The following TGM5 variants were observed in gnomAD, a reference collection of about 807,000 sequenced individuals.
TGM5 encodes the protein transglutaminase 5.
In TGM5, 69 loss-of-function variants were observed where a neutral mutation model predicts 77.2. The observed-to-expected ratio is 0.89, with a 90% CI of 0.74 to 1.09. The LOEUF (loss-of-function observed/expected upper bound fraction) is 1.09, where lower values mean the gene tolerates loss of function less well. Among genes scored for constraint, TGM5 ranks in the 50% least tolerant of loss-of-function variants. The pLI is 0.00. For synonymous variants in TGM5, 346 were observed against 351.8 expected (o/e 0.98, Z 0.18); for missense variants, 842 against 896.5 (o/e 0.94, Z 0.78).
intron 1 of TGM5, among the ~76,000 whole-genome samples, chr15:43,261,086 T>TTTG (rs2042785491): frequency 8.2e-6 from 1 of 121,872 alleles, no homozygotes; most frequent in African/African-American, 3.2e-5. Flanking sequence ...GTTTTTTTTT[T>TTTG]TTTTTTTTTT....
Position 43,253,648 on chromosome 15 carries a change from G to A in TGM5, c.556-14C>T, listed in dbSNP as rs1404249705. On this transcript the variant is annotated splice_polypyrimidine_tract_variant and intron_variant, in intron 4 of 12. Coordinates refer to ENST00000220420, the MANE Select transcript of TGM5 (RefSeq NM_201631.4). ...TTTGTCTTCAAACTTCGGGGGGAGA[G>A]GCAGAGAGGGAAGGCACCCATGCTT... The A allele has an allele frequency of 1.2e-6, 2 of 1,611,198 alleles. No homozygotes were observed. Among genetic ancestry groups the A allele is most frequent in the African/African-American group, 2.7e-5 (2 of 74,924 alleles).
chr15:43,256,455 C>T (rs993307119), intron 4 of TGM5, 113 bp downstream of exon 4: 9 of 863,652 alleles, frequency 1.0e-5, no homozygotes, highest in Middle Eastern at 5.9e-4. Context: ...ACATCTTCCT[C>T]GTGCCATTTA....
At chr15:43,236,400 G>T (rs2042590420) in intron 9 of TGM5, among the ~76,000 whole-genome samples, 1 of 152,132 alleles carries the variant, frequency 6.6e-6, no homozygotes, top group African/African-American at 2.4e-5. Context: ...ATGAGAGGAG[G>T]TCTAGGCGTG....
At chr15:43,263,612 C>T (rs1341131020) in intron 1 of TGM5, among the ~76,000 whole-genome samples, 1 of 152,124 alleles carries the variant, frequency 6.6e-6, no homozygotes, top group East Asian at 1.9e-4. Context: ...TATCCACATG[C>T]AAAAGAATGA....
At chr15:43,241,276 G>T in intron 6 of TGM5, 1 of 476,816 alleles carries the variant, frequency 2.1e-6, no homozygotes, top group East Asian at 4.0e-5. Flanking sequence ...AGGAGGGTGG[G>T]ACTGGCAAGC....
Position 43,252,913 on chromosome 15 carries a change from C to A in TGM5, c.708G>T (p.Gly236=). ...CAMINSNDDN[G]VLNGNWSENY... ...TCTCACTCCAGTTTCCATTGAGCAC[C>A]CCATTATCATCATTGCTGTTGATCT... The change falls in exon 6 of 13, where the codon GGG becomes GGT. Residue 236 remains glycine (G), a synonymous_variant. Transcript: ENST00000220420. The A allele has an allele frequency of 1.9e-6, 3 of 1,613,542 alleles. No individual in the cohort carries two copies. The highest frequency in any genetic ancestry group is 2.5e-6 in the Non-Finnish European group (3 of 1,180,022).
intron 1 of TGM5, among the ~76,000 whole-genome samples, chr15:43,266,229 A>G (rs1451299798): frequency 6.6e-6 from 1 of 152,246 alleles, no homozygotes; most frequent in Non-Finnish European, 1.5e-5. Flanking sequence ...AAATAAAGGT[A>G]AGGTTGTTAC....
At chr15:43,263,333 A>G (rs761266678) in intron 1 of TGM5, among the ~76,000 whole-genome samples, 3 of 152,254 alleles carry the variant, frequency 2.0e-5, no homozygotes, top group Admixed American at 1.3e-4. Context: ...GTAGAAATTG[A>G]TAAGTGGATC....
At chr15:43,239,907 G>C (rs970238124) in intron 7 of TGM5, among the ~76,000 whole-genome samples, 1 of 152,044 alleles carries the variant, frequency 6.6e-6, no homozygotes, top group Non-Finnish European at 1.5e-5. Flanking sequence ...GCCGTCCTGT[G>C]GTCAGAACTG....
At position 43,253,750 on chromosome 15, in the gene TGM5, T is replaced by C; in HGVS notation, c.556-116A>G. 7.7e-6 allele frequency: 11 copies of C among 1,422,100 alleles called. No individual in the cohort carries two copies. The South Asian group carries it at 1.0e-4, about 13-fold the overall frequency. 88.1% of individuals were successfully genotyped at this position (1,422,100 alleles called of 1,614,324 possible). A position where few individuals can be genotyped will look rare whatever the true frequency, so the allele number is the denominator to read the frequency against. ...TATAAACTCACTTGGAAGGTAACTG[T>C]GTCAAACAGAACAGCCATGAATTCC... On this transcript the variant is annotated intron_variant, in intron 4 of 12. Transcript: ENST00000220420.
intron 6 of TGM5, 22 bp from the exon 7 acceptor site, chr15:43,241,012 A>G (rs2042632243): frequency 6.2e-7 from 1 of 1,614,178 alleles, no homozygotes; most frequent in South Asian, 1.1e-5. Context: ...GCACAAAAAA[A>G]TCACCTGTGA....
At chr15:43,241,999 C>T (rs1337396357) in intron 6 of TGM5, among the ~76,000 whole-genome samples, 1 of 152,174 alleles carries the variant, frequency 6.6e-6, no homozygotes, top group Non-Finnish European at 1.5e-5. Flanking sequence ...ATTCCTGTCC[C>T]TTCATGTCCA....
chr15:43,261,060 C>CTTTTTT (rs199676346), intron 1 of TGM5, among the ~76,000 whole-genome samples: 1,471 of 90,530 alleles, frequency 0.016, 167 homozygotes, highest in African/African-American at 0.087. Flanking sequence ...GCTGCTCTTC[C>CTTTTTT]TTTTTTTGTG....
intron 7 of TGM5, 83 bp downstream of exon 7, chr15:43,240,769 G>A: frequency 6.3e-7 from 1 of 1,586,154 alleles, no homozygotes; most frequent in Non-Finnish European, 8.6e-7. Context: ...CCAGGCTCAT[G>A]GACCTCGTTC....
intron 6 of TGM5, among the ~76,000 whole-genome samples, chr15:43,251,082 T>C (rs1480067686): frequency 6.6e-6 from 1 of 152,152 alleles, no homozygotes; most frequent in East Asian, 1.9e-4. Context: ...CTCTCTATCT[T>C]ATACAAGATC....
intron 3 of TGM5, among the ~76,000 whole-genome samples, chr15:43,258,368 A>G (rs764348548): frequency 9.2e-5 from 14 of 152,188 alleles, no homozygotes; most frequent in Non-Finnish European, 1.9e-4. Flanking sequence ...GCAAATCTGT[A>G]TGTGTACCCC....
At chr15:43,238,070 T>G (rs1464675884) in intron 9 of TGM5, among the ~76,000 whole-genome samples, 1 of 152,030 alleles carries the variant, frequency 6.6e-6, no homozygotes, top group Non-Finnish European at 1.5e-5. Context: ...CCTGCGTCTG[T>G]CCCCGAGGCC....
chr15:43,250,256 C>A (rs752958), intron 6 of TGM5, among the ~76,000 whole-genome samples: 358 of 152,302 alleles, frequency 2.4e-3, no homozygotes, highest in African/African-American at 8.1e-3. Context: ...CTAACTGATG[C>A]TTCCTGAACA....
Position 43,252,747 on chromosome 15 carries a change from T to C in TGM5, c.862+12A>G, listed in dbSNP as rs759799204. On this transcript the variant is annotated intron_variant, in intron 6 of 12. Coordinates refer to ENST00000220420, the MANE Select transcript of TGM5 (RefSeq NM_201631.4). ...CTTCTGACCTTTTTGTGGGGTCCTT[T>C]CTACCTCCTACCTGTGCACATGACG... 3 of 1,613,222 alleles carry C rather than the reference T, an allele frequency of 1.9e-6. No homozygotes were observed. The highest frequency in any genetic ancestry group is 2.7e-5 in the African/African-American group (2 of 75,028).
Sources: allele counts gnomAD v4.1 joint callset (sites outside exome capture counted in the v4.1 genomes callset), GRCh38; gene constraint gnomAD v4.1.1; transcripts MANE v1.5; gene names NCBI Gene and HGNC (gene_info 2026-07-23, HGNC 2026-07-21).